The following WWOX variants were observed in gnomAD, a reference collection of about 807,000 sequenced individuals.
The protein encoded by WWOX is WW domain containing oxidoreductase, also known as WW domain-containing oxidoreductase.
WWOX carries 69 observed loss-of-function variants against 46.2 expected under a neutral mutation model. The ratio of observed to expected loss-of-function variants is 1.49; its 90% confidence interval spans 1.23 to 1.82. The LOEUF (loss-of-function observed/expected upper bound fraction) is 1.82, where lower values mean the gene tolerates loss of function less well. Among genes scored for constraint, WWOX ranks in the 40% most tolerant of loss-of-function variants. The pLI is 0.00. For synonymous variants in WWOX, 359 were observed against 202.6 expected, an observed-to-expected ratio of 1.77 and a Z score of -6.56; for missense variants, 919 against 542.6, an observed-to-expected ratio of 1.69 and a Z score of -6.89.
At chr16:78,529,671 G>A (rs1040341018) in intron 8 of WWOX, among the ~76,000 whole-genome samples, 15 of 152,040 alleles carry the variant, frequency 9.9e-5, no homozygotes, top group African/African-American at 2.4e-4. Flanking sequence ...GTTTCACCGT[G>A]TTAGGCAGGA....
At chr16:78,202,862 G>A (rs2036277217) in intron 5 of WWOX, among the ~76,000 whole-genome samples, 1 of 150,576 alleles carries the variant, frequency 6.6e-6, no homozygotes, top group South Asian at 2.1e-4. Context: ...AGAATTCCTG[G>A]AATAGTTCTT....
intron 5 of WWOX, among the ~76,000 whole-genome samples, chr16:78,325,166 G>C (rs1189174905): frequency 6.6e-6 from 1 of 152,202 alleles, no homozygotes; most frequent in Admixed American, 6.5e-5. Flanking sequence ...AGAGGAACTG[G>C]TTCCTTTGAA....
Position 79,040,999 on chromosome 16 carries a change from G to T in WWOX, c.1057-170609G>T, listed in dbSNP as rs114024165. Among the ~76,000 whole-genome samples the T allele has an allele frequency of 3.9e-3, 599 of 152,054 alleles. 4 individuals are homozygous for T. The highest frequency in any genetic ancestry group is 0.013 in the African/African-American group (537 of 41,460). Reference sequence around the variant, plus strand: ...TTCCTGAAATCCCTAGTTACTAGCAGACAAGTGCATCAGACAAGTGCATTT... The same window carrying T: ...TTCCTGAAATCCCTAGTTACTAGCATACAAGTGCATCAGACAAGTGCATTT... On this transcript the variant is annotated intron_variant, in intron 8 of 8. Coordinates refer to ENST00000566780, the MANE Select transcript of WWOX (RefSeq NM_016373.4).
At chr16:78,824,440 A>C (rs781779672) in intron 8 of WWOX, among the ~76,000 whole-genome samples, 18 of 152,178 alleles carry the variant, frequency 1.2e-4, no homozygotes, top group Non-Finnish European at 2.2e-4. Context: ...CACTTGGTAC[A>C]TGTCAGATAC....
chr16:79,019,153 G>T (rs1329099875), intron 8 of WWOX, among the ~76,000 whole-genome samples: 12 of 45,904 alleles, frequency 2.6e-4, no homozygotes, highest in Admixed American at 4.2e-4. Flanking sequence ...GTGCGACCTT[G>T]TCTCAAAAAA....
intron 5 of WWOX, among the ~76,000 whole-genome samples, chr16:78,362,274 C>T (rs532561676): frequency 3.4e-4 from 51 of 151,838 alleles, no homozygotes; most frequent in Non-Finnish European, 2.5e-4. Flanking sequence ...GAACAAGAGA[C>T]GAGACACAGC....
At chr16:78,443,135 C>CA (rs759618827) in intron 8 of WWOX, among the ~76,000 whole-genome samples, 5,597 of 39,676 alleles carry the variant, frequency 0.14, 899 homozygotes, top group African/African-American at 0.35. Context: ...GACTCCATCT[C>CA]AAAAAAAAAA....
At chr16:78,672,876 A>G (rs780670213) in intron 8 of WWOX, among the ~76,000 whole-genome samples, 10 of 152,196 alleles carry the variant, frequency 6.6e-5, no homozygotes, top group African/African-American at 1.4e-4. Context: ...TGATGGATAG[A>G]AAAAGTAAAG....
chr16:78,227,252 G>A lies in WWOX; in HGVS notation c.516+62963G>A, dbSNP rs556761572. Reference sequence around the variant, plus strand: ...TGTACGCTTTAAGGTTAAGGAATTCGTAGTTGAATAAGAATGACTTTTCAC... The same window carrying A: ...TGTACGCTTTAAGGTTAAGGAATTCATAGTTGAATAAGAATGACTTTTCAC... On this transcript the variant is annotated intron_variant, in intron 5 of 8. Transcript: ENST00000566780. Among the ~76,000 whole-genome samples the A allele has an allele frequency of 1.7e-4, 26 of 152,276 alleles. No individual in the cohort carries two copies. In the South Asian group the frequency reaches 4.6e-3, roughly 27 times the overall value.
At chr16:78,288,486 G>A (rs2079807590) in intron 5 of WWOX, among the ~76,000 whole-genome samples, 1 of 152,108 alleles carries the variant, frequency 6.6e-6, no homozygotes, top group African/African-American at 2.4e-5. Context: ...TTTGGAAAGA[G>A]CAAGCTTCTT....
intron 8 of WWOX, among the ~76,000 whole-genome samples, chr16:79,012,353 C>T (rs992194441): frequency 1.3e-5 from 2 of 152,088 alleles, no homozygotes; most frequent in Non-Finnish European, 2.9e-5. Context: ...CTACCTCAGC[C>T]TCCCGAGTAG....
intron 4 of WWOX, among the ~76,000 whole-genome samples, chr16:78,137,326 C>T (rs2033830443): frequency 6.6e-6 from 1 of 152,178 alleles, no homozygotes; most frequent in Non-Finnish European, 1.5e-5. Context: ...CTATGCTTTC[C>T]AGCTTGCCAA....
intron 1 of WWOX, among the ~76,000 whole-genome samples, chr16:78,104,289 A>C (rs561666777): frequency 6.9e-6 from 1 of 143,886 alleles, no homozygotes; most frequent in African/African-American, 2.7e-5. Context: ...CCTCACTGTC[A>C]ACTCTAGATC....
chr16:78,278,517 C>T, intron 5 of WWOX: 1 of 1,351,442 alleles, frequency 7.4e-7, no homozygotes, highest in South Asian at 1.4e-5. Flanking sequence ...TTAGCAAAAA[C>T]TTATCTTTGG....
At chr16:79,009,497 T>C (rs972863952) in intron 8 of WWOX, among the ~76,000 whole-genome samples, 1 of 152,086 alleles carries the variant, frequency 6.6e-6, no homozygotes, top group African/African-American at 2.4e-5. Flanking sequence ...AGATGGACTT[T>C]CGCTGTGTCA....
At chr16:78,702,042 T>TATAA (rs1555519560) in intron 8 of WWOX, among the ~76,000 whole-genome samples, 4 of 120,966 alleles carry the variant, frequency 3.3e-5, no homozygotes, top group African/African-American at 1.1e-4. Flanking sequence ...TATATATATA[T>TATAA]ATAAAATAAT....
Position 79,150,044 on chromosome 16 carries a change from C to T in WWOX, c.1057-61564C>T, listed in dbSNP as rs149678501. Among the ~76,000 whole-genome samples the T allele has an allele frequency of 1.9e-3, 285 of 152,310 alleles. 1 individual carries two copies. Among genetic ancestry groups the T allele is most frequent in the African/African-American group, 6.6e-3 (276 of 41,562 alleles). ...AAGGAAATGCTTTTCTGGTCAAATA[C>T]GTTCTTCTCTGATTAGGCCTCTCAT... On this transcript the variant is annotated intron_variant, in intron 8 of 8. Transcript: ENST00000566780.
chr16:78,467,052 G>A (rs745576379), intron 8 of WWOX, among the ~76,000 whole-genome samples: 67 of 152,136 alleles, frequency 4.4e-4, no homozygotes, highest in Non-Finnish European at 8.5e-4. Flanking sequence ...CCATGCTATT[G>A]ATTAGTTATG....
At chr16:78,792,744 A>G (rs540735196) in intron 8 of WWOX, among the ~76,000 whole-genome samples, 1 of 152,326 alleles carries the variant, frequency 6.6e-6, no homozygotes, top group Non-Finnish European at 1.5e-5. Context: ...GATGAGGGTT[A>G]GCCAAAGCAA....
Sources: gnomAD v4.1 joint callset for allele counts (sites outside exome capture counted in the v4.1 genomes callset) on GRCh38, gnomAD v4.1.1 for gene constraint, MANE v1.5 for transcripts, NCBI Gene and HGNC (gene_info 2026-07-23, HGNC 2026-07-21) for gene names.